Variants in ANKRD17 observed in about 807,000 individuals in gnomAD.
ANKRD17 encodes the protein ankyrin repeat domain 17.
ANKRD17 carries 19 observed loss-of-function variants against 229.7 expected under a neutral mutation model. That is an observed-to-expected ratio of 0.08 (90% CI 0.06 to 0.12). ANKRD17 has a LOEUF of 0.12. ANKRD17 is among the 10% of genes least tolerant of loss of function. The pLI is 1.00. For missense variants in ANKRD17, 2,176 were observed against 3,176.8 expected (o/e 0.68, Z 7.57); for synonymous variants, 1,112 against 1,146.1 (o/e 0.97, Z 0.60).
chr4:73,077,465 C>T lies in ANKRD17; in HGVS notation c.7477G>A (p.Val2493Ile), dbSNP rs913272492. Reference sequence around the variant, plus strand: ...TCCATTGCTTGATGTTGTGAAAATACTCCTGGGTCAGACATCGGTCTGTGG... The same window carrying T: ...TCCATTGCTTGATGTTGTGAAAATATTCCTGGGTCAGACATCGGTCTGTGG... ...MIHRPMSDPG[V>I]FSQHQAMERD... The change falls in exon 32 of 34, where the codon GTA (valine) becomes ATA (isoleucine). Residue 2493 changes from valine (V) to isoleucine (I), a missense_variant. This residue lies in a region of ANKRD17 where 159 missense variants were observed against 214.3 expected (regional missense o/e 0.74). Coordinates refer to ENST00000358602, the MANE Select transcript of ANKRD17 (RefSeq NM_032217.5). 1.4e-5 allele frequency: 23 copies of T among 1,613,756 alleles called. No homozygotes were observed. Among genetic ancestry groups the T allele is most frequent in the Non-Finnish European group, 1.9e-5 (23 of 1,179,826 alleles).
chr4:73,180,438 C>G (rs895511213), intron 1 of ANKRD17, among the ~76,000 whole-genome samples: 2 of 151,856 alleles, frequency 1.3e-5, no homozygotes, highest in Admixed American at 1.3e-4. Flanking sequence ...CCACAGATAT[C>G]CTAACTAGCC....
At position 73,120,041 on chromosome 4, in the gene ANKRD17, C is replaced by T; in HGVS notation, c.4025+121G>A. On this transcript the variant is annotated intron_variant, in intron 21 of 33. Transcript: ENST00000358602. The stretch of plus-strand genomic sequence containing the variant: ...CAATGGGTAGGTTTGGGGGAAAAAG[C>T]ACTTGTTTATAAAAGAAGAAATAAT... The T allele has an allele frequency of 4.6e-6, 5 of 1,088,048 alleles. No homozygotes were observed. In the South Asian group the frequency reaches 5.7e-5, roughly 12 times the overall value. The allele number at this position is 1,088,048 out of a possible 1,614,324, so 67.4% of individuals were successfully genotyped here. A position where few individuals can be genotyped will look rare whatever the true frequency, so the allele number is the denominator to read the frequency against.
In ANKRD17 at chr4:73,230,640, A is replaced by G. The variant is rs147732179; in HGVS notation, c.393+27636T>C. Among the ~76,000 whole-genome samples the G allele has an allele frequency of 1.2e-3, 178 of 152,328 alleles. 1 individual carries two copies. Among genetic ancestry groups the G allele is most frequent in the African/African-American group, 3.9e-3 (164 of 41,568 alleles). ...ATCCAACTAATAAATGAAATCTGAAATTCAACCTAGAAAAGTACAGAAGAG... is the reference window on the plus strand; with the variant it reads ...ATCCAACTAATAAATGAAATCTGAAGTTCAACCTAGAAAAGTACAGAAGAG... On this transcript the variant is annotated intron_variant, in intron 1 of 33. Transcript: ENST00000358602.
chr4:73,216,729 C>T (rs1369677666), intron 1 of ANKRD17, among the ~76,000 whole-genome samples: 1 of 152,158 alleles, frequency 6.6e-6, no homozygotes, highest in East Asian at 1.9e-4. Flanking sequence ...TAAAGGGTAG[C>T]TAATGTGCCA....
intron 24 of ANKRD17, among the ~76,000 whole-genome samples, chr4:73,103,080 C>T (rs781291739): frequency 6.6e-6 from 1 of 151,540 alleles, no homozygotes; most frequent in Non-Finnish European, 1.5e-5. Flanking sequence ...AATGGCAATA[C>T]ATGGAAACAA....
chr4:73,083,080 G>A (rs1721742134), intron 30 of ANKRD17, among the ~76,000 whole-genome samples: 1 of 152,088 alleles, frequency 6.6e-6, no homozygotes, highest in Non-Finnish European at 1.5e-5. Flanking sequence ...GATGAGGAAA[G>A]GAAGTAATGC....
At chr4:73,192,386 T>C (rs1034600420) in intron 1 of ANKRD17, among the ~76,000 whole-genome samples, 2 of 152,080 alleles carry the variant, frequency 1.3e-5, no homozygotes, top group Non-Finnish European at 2.9e-5. Context: ...GGTATGTACC[T>C]ATTTAAGTTG....
chr4:73,112,044 A>G (rs1725383157), intron 24 of ANKRD17, among the ~76,000 whole-genome samples: 1 of 152,240 alleles, frequency 6.6e-6, no homozygotes, highest in African/African-American at 2.4e-5. Context: ...TGCTGCTGAC[A>G]GCACAAACAA....
At position 73,242,533 on chromosome 4, in the gene ANKRD17, C is replaced by T. The variant is rs189250526; in HGVS notation, c.393+15743G>A. 1.2e-3 allele frequency among the ~76,000 whole-genome samples: 180 copies of T among 152,146 alleles called. 1 individual carries two copies. The highest frequency in any genetic ancestry group is 4.3e-3 in the African/African-American group (179 of 41,516). ...TCAGTATTATACATATATTTCTCTC[C>T]AAAATTAACACAAATTTCAATGTAT... is the stretch of plus-strand genomic sequence containing the variant. On this transcript the variant is annotated intron_variant, in intron 1 of 33. Transcript: ENST00000358602.
chr4:73,193,146 C>T (rs375623131), intron 1 of ANKRD17, among the ~76,000 whole-genome samples: 66 of 152,210 alleles, frequency 4.3e-4, no homozygotes, highest in African/African-American at 1.6e-3. Flanking sequence ...TCATTTTTTC[C>T]TTTCCAGAAT....
rs548056092 is a variant in ANKRD17 at position 73,101,027 on chromosome 4, C to T, written c.4573+1349G>A. 12 of 952,800 alleles carry T rather than the reference C, an allele frequency of 1.3e-5. No individual in the cohort carries two copies. In the African/African-American group the frequency reaches 1.4e-4, roughly 11 times the overall value. The allele number at this position is 952,800 out of a possible 1,614,324, so 59.0% of individuals were successfully genotyped here. A position where few individuals can be genotyped will look rare whatever the true frequency, so the allele number is the denominator to read the frequency against. On this transcript the variant is annotated intron_variant, in intron 25 of 33. Transcript: ENST00000358602. ...TACAGTATAACAACTATTTACATAG[C>T]ATTTGCGTTAGGTATTAGAGGTAAT...
chr4:73,181,660 TTATTA>T (rs1735560729), intron 1 of ANKRD17, among the ~76,000 whole-genome samples: 1 of 152,300 alleles, frequency 6.6e-6, no homozygotes, highest in Middle Eastern at 3.4e-3. Context: ...TATCGCATTT[TTATTA>T]TATTATTCTA....
rs1730062822 is a variant in ANKRD17 at position 73,144,896 on chromosome 4, G to T, written c.1870-64C>A. The T allele has an allele frequency of 3.4e-6, 4 of 1,191,522 alleles. No homozygotes were observed. The South Asian group carries it at 4.5e-5, about 13-fold the overall frequency. The allele number at this position is 1,191,522 out of a possible 1,614,324, so 73.8% of individuals were successfully genotyped here. On this transcript the variant is annotated intron_variant, in intron 10 of 33. Coordinates refer to ENST00000358602, the MANE Select transcript of ANKRD17 (RefSeq NM_032217.5). ...CCAGTGAACAAGTATTCTTTTTCATGGAAATCAAAAGGAAAATAATTGGAC... is the reference window on the plus strand; with the variant it reads ...CCAGTGAACAAGTATTCTTTTTCATTGAAATCAAAAGGAAAATAATTGGAC...
At chr4:73,125,516 C>T (rs1204586502) in intron 16 of ANKRD17, among the ~76,000 whole-genome samples, 3 of 151,980 alleles carry the variant, frequency 2.0e-5, no homozygotes, top group East Asian at 1.9e-4. Context: ...GGGCAGATCA[C>T]GAGGTCAAGA....
intron 23 of ANKRD17, among the ~76,000 whole-genome samples, chr4:73,114,311 CT>C (rs1473249535): frequency 1.3e-5 from 2 of 152,084 alleles, no homozygotes; most frequent in African/African-American, 4.8e-5. Flanking sequence ...AATATTTAAG[CT>C]TTGTTGCTCC....
At position 73,258,713 on chromosome 4, in the gene ANKRD17, C is replaced by A. The variant is rs1461055386; in HGVS notation, c.-45G>T. 7.1e-7 allele frequency: 1 copy of A among 1,403,640 alleles called. No homozygotes were observed. The allele number at this position is 1,403,640 out of a possible 1,614,324, so 86.9% of individuals were successfully genotyped here. On this transcript the variant is annotated 5_prime_UTR_variant, in exon 1 of 34. Coordinates refer to ENST00000358602, the MANE Select transcript of ANKRD17 (RefSeq NM_032217.5). ...GCGCGGACGGGGGAGGGGCGTGGGG[C>A]TACGCTCTACCGCGACTTCGGCCGC...
At chr4:73,215,496 G>C (rs1740903539) in intron 1 of ANKRD17, among the ~76,000 whole-genome samples, 1 of 152,174 alleles carries the variant, frequency 6.6e-6, no homozygotes, top group Admixed American at 6.5e-5. Context: ...TTGACCTTGT[G>C]ATCCACCCAT....
chr4:73,140,132 C>A lies in ANKRD17; in HGVS notation c.2484G>T (p.Lys828Asn). The change falls in exon 15 of 34, where the codon AAG becomes AAT. Residue 828 changes from lysine (K) to asparagine (N), a missense_variant. By Grantham distance (94) the Lys-to-Asn change is moderately conservative. Transcript: ENST00000358602. Reference sequence around the variant, plus strand: ...GTTCCAAGGACTGCAGCTGTGCATTCTTTTCTATGGCTTCTTTTATCCTCT... The same window carrying A: ...GTTCCAAGGACTGCAGCTGTGCATTATTTTCTATGGCTTCTTTTATCCTCT... Reference protein sequence around the residue: ...LEQRIKEAIEKNAQLQSLELA... With the variant: ...LEQRIKEAIENNAQLQSLELA... 1.9e-6 allele frequency: 3 copies of A among 1,614,196 alleles called. No homozygotes were observed. The highest frequency in any genetic ancestry group is 2.5e-6 in the Non-Finnish European group (3 of 1,180,036).
At chr4:73,086,350 T>C (rs2110127609) in intron 29 of ANKRD17, among the ~76,000 whole-genome samples, 1 of 152,322 alleles carries the variant, frequency 6.6e-6, no homozygotes, top group East Asian at 1.9e-4. Flanking sequence ...AATAAACGTT[T>C]ACCTTTAGGG....
Sources: gnomAD v4.1 joint callset for allele counts (sites outside exome capture counted in the v4.1 genomes callset) on GRCh38, gnomAD v4.1.1 for gene constraint, gnomAD v4.1.1 regional missense constraint, MANE v1.5 for transcripts, NCBI Gene and HGNC (gene_info 2026-07-23, HGNC 2026-07-21) for gene names.